Variants in TENM3 observed in about 807,000 individuals in gnomAD.
TENM3 encodes the protein teneurin-3.
Under a neutral mutation model 255.1 loss-of-function variants are expected in TENM3, and 63 were observed. The ratio of observed to expected loss-of-function variants is 0.25; its 90% CI spans 0.20 to 0.30. TENM3 has a LOEUF of 0.30. Ranked by LOEUF, TENM3 falls within the 10% of genes least tolerant of loss-of-function variation. The pLI is 1.00. For synonymous variants in TENM3, 1,306 were observed against 1,322.3 expected (o/e 0.99, Z 0.27); for missense variants, 2,929 against 3,461.1 (o/e 0.85, Z 3.86).
the TENM3 span, among the ~76,000 whole-genome samples, chr4:181,780,216 T>A: frequency 6.6e-6 from 1 of 152,204 alleles, no homozygotes; most frequent in Non-Finnish European, 1.5e-5. Flanking sequence ...TGTCACACTG[T>A]CTTCCACAAT....
In TENM3 at chr4:182,185,498, A is replaced by C. The variant is rs139760081; in HGVS notation, c.-76+40744A>C. 4.2e-3 allele frequency among the ~76,000 whole-genome samples: 635 copies of C among 152,322 alleles called. 4 individuals are homozygous for C. The highest frequency in any genetic ancestry group is 0.015 in the African/African-American group (614 of 41,580). On this transcript the variant is annotated intron_variant, in intron 1 of 2. Coordinates refer to the TENM3 transcript ENST00000512480. Reference sequence around the variant, plus strand: ...CATTTGAGCAAAGAACTAAAAAAGAAAAAAAACTTTCATTCTTACCTAGAC... The same window carrying C: ...CATTTGAGCAAAGAACTAAAAAAGACAAAAAACTTTCATTCTTACCTAGAC...
chr4:181,576,718 G>A, the TENM3 span, among the ~76,000 whole-genome samples: 1 of 150,528 alleles, frequency 6.6e-6, no homozygotes. Flanking sequence ...AGCGCCTGAG[G>A]AAGAAACATC....
At chr4:182,093,900 T>C in the TENM3 span, among the ~76,000 whole-genome samples, 2 of 152,194 alleles carry the variant, frequency 1.3e-5, no homozygotes. Flanking sequence ...AAATGCACTT[T>C]TAGGTCAAAG....
intron 2 of TENM3, among the ~76,000 whole-genome samples, chr4:182,328,206 T>G (rs1335023511): frequency 6.6e-6 from 1 of 152,068 alleles, no homozygotes; most frequent in Non-Finnish European, 1.5e-5. Flanking sequence ...GAGGAAGGAC[T>G]CTGTTTTTTG....
At chr4:181,549,377 G>A in the TENM3 span, among the ~76,000 whole-genome samples, 1 of 152,092 alleles carries the variant, frequency 6.6e-6, no homozygotes, top group Non-Finnish European at 1.5e-5. Flanking sequence ...TTACATCATT[G>A]TTATCCTCGG....
intron 3 of TENM3, among the ~76,000 whole-genome samples, chr4:182,467,591 C>G (rs558516173): frequency 8.5e-5 from 13 of 152,100 alleles, no homozygotes; most frequent in Non-Finnish European, 1.9e-4. Context: ...AGATCCTTTT[C>G]TGAGAGCAGC....
chr4:181,456,705 G>A, the TENM3 span, among the ~76,000 whole-genome samples: 1 of 151,708 alleles, frequency 6.6e-6, no homozygotes, highest in Non-Finnish European at 1.5e-5. Context: ...ATTTTTAGAG[G>A]AGGATTTAAA....
At chr4:181,605,902 A>G in the TENM3 span, among the ~76,000 whole-genome samples, 1 of 152,128 alleles carries the variant, frequency 6.6e-6, no homozygotes, top group African/African-American at 2.4e-5. Flanking sequence ...GCAATTTCCA[A>G]CTCTGAGAGC....
the TENM3 span, among the ~76,000 whole-genome samples, chr4:181,752,898 G>A: frequency 1.2e-3 from 189 of 151,918 alleles, no homozygotes; most frequent in Middle Eastern, 3.4e-3. Context: ...AATAACTGAC[G>A]AGACTTATCC....
chr4:182,148,914 G>T (rs1053940398), intron 1 of TENM3, among the ~76,000 whole-genome samples: 1 of 151,884 alleles, frequency 6.6e-6, no homozygotes, highest in East Asian at 1.9e-4. Context: ...TAAAAGATTA[G>T]GAGCACAGAA....
the TENM3 span, among the ~76,000 whole-genome samples, chr4:181,656,018 G>T: frequency 5.1e-4 from 77 of 152,298 alleles, no homozygotes; most frequent in African/African-American, 1.6e-3. Context: ...TCCTTGACAT[G>T]TGAGTTTCCA....
rs569123214 is a variant in TENM3, at chr4:182,199,717, T to C, written c.-76+54963T>C. Among the ~76,000 whole-genome samples, 920 of 139,388 alleles carry C rather than the reference T, an allele frequency of 6.6e-3. 11 individuals carry two copies. Among genetic ancestry groups the C allele is most frequent in the African/African-American group, 0.022 (871 of 39,800 alleles). The allele number at this position is 139,388 out of a possible 152,430, so 91.4% of individuals were successfully genotyped here. ...CCATAGATGGCTTTGTGGAACATCA[T>C]TGCTTTTTTTTTTTTTTTTTTTTTT... On this transcript the variant is annotated intron_variant, in intron 1 of 2. Coordinates refer to the TENM3 transcript ENST00000512480.
intron 5 of TENM3, among the ~76,000 whole-genome samples, chr4:182,651,776 T>G (rs1301497603): frequency 6.6e-6 from 1 of 152,126 alleles, no homozygotes; most frequent in Non-Finnish European, 1.5e-5. Flanking sequence ...CTATATACAT[T>G]TATTTAAAAT....
chr4:182,673,843 T>C (rs1406782391), intron 7 of TENM3, among the ~76,000 whole-genome samples: 1 of 152,160 alleles, frequency 6.6e-6, no homozygotes, highest in African/African-American at 2.4e-5. Flanking sequence ...TTTAAAGTCG[T>C]TTCCCTTGCA....
chr4:182,683,961 A>C (rs1012732643), intron 11 of TENM3, among the ~76,000 whole-genome samples: 17 of 152,020 alleles, frequency 1.1e-4, no homozygotes, highest in Non-Finnish European at 2.5e-4. Flanking sequence ...TGTAAGAATG[A>C]AGCAAGGAAA....
chr4:182,353,007 G>A (rs1209079814), intron 3 of TENM3, among the ~76,000 whole-genome samples: 1 of 152,094 alleles, frequency 6.6e-6, no homozygotes, highest in Non-Finnish European at 1.5e-5. Flanking sequence ...CAAATTCTAG[G>A]AGAGTTTGAG....
chr4:182,032,966 T>G, the TENM3 span, among the ~76,000 whole-genome samples: 1 of 151,898 alleles, frequency 6.6e-6, no homozygotes, highest in Non-Finnish European at 1.5e-5. Flanking sequence ...GAGTTCTATC[T>G]ATTTTATTAA....
At chr4:182,092,965 T>C in the TENM3 span, among the ~76,000 whole-genome samples, 21 of 152,196 alleles carry the variant, frequency 1.4e-4, no homozygotes, top group Admixed American at 1.0e-3. Context: ...CCTTGTCCAC[T>C]GTGTGCCCAG....
the TENM3 span, among the ~76,000 whole-genome samples, chr4:181,731,167 T>C: frequency 7.2e-5 from 11 of 152,142 alleles, no homozygotes; most frequent in Non-Finnish European, 1.2e-4. Flanking sequence ...ATGAGATACA[T>C]TTTTTTAAAA....
Sources: gnomAD v4.1 joint callset for allele counts (sites outside exome capture counted in the v4.1 genomes callset) on GRCh38, gnomAD v4.1.1 for gene constraint, MANE v1.5 for transcripts, NCBI Gene and HGNC (gene_info 2026-07-23, HGNC 2026-07-21) for gene names.